Variants in TSPAN9 observed in about 807,000 individuals in gnomAD.
TSPAN9 encodes tetraspanin 9.
TSPAN9 carries 16 observed loss-of-function variants against 31.0 expected under a neutral mutation model. That is an observed-to-expected ratio of 0.52 (90% CI 0.35 to 0.78). The LOEUF is 0.78. Ranked by LOEUF, TSPAN9 falls within the 30% of genes least tolerant of loss-of-function variation. The probability of loss-of-function intolerance (pLI) is 0.01; values close to 1 mark genes in which losing one functional copy is unlikely to be tolerated. For missense variants in TSPAN9, 272 were observed against 312.5 expected, an observed-to-expected ratio of 0.87 and a Z score of 0.98; for synonymous variants, 145 against 121.6, an observed-to-expected ratio of 1.19 and a Z score of -1.27.
Position 3,284,517 on chromosome 12 carries a change from GTCAGACTGGC to G in TSPAN9, c.*1404_*1413del, listed in dbSNP as rs1862972979. 6.5e-6 allele frequency: 1 copy of G among 152,744 alleles called. No homozygotes were observed. Among genetic ancestry groups the G allele is most frequent in the Non-Finnish European group, 1.5e-5 (1 of 68,096 alleles). The allele number at this position is 152,744 out of a possible 1,614,324, so 9.5% of individuals were successfully genotyped here. A position where few individuals can be genotyped will look rare whatever the true frequency, so the allele number is the denominator to read the frequency against. ...AAGAAATACAGAAAACCCAAGAGAG[GTCAGACTGGC>G]TCTTGTTACCGGAGCCACGGGAAGA... On this transcript the variant is annotated 3_prime_UTR_variant, in exon 9 of 9. Coordinates refer to ENST00000011898, the MANE Select transcript of TSPAN9 (RefSeq NM_006675.5).
chr12:3,104,733 C>T (rs968246445), intron 2 of TSPAN9, among the ~76,000 whole-genome samples: 2 of 152,146 alleles, frequency 1.3e-5, no homozygotes. Context: ...TTTAATCCGC[C>T]CAGCAACTTT....
chr12:3,219,281 C>T (rs188578754), intron 3 of TSPAN9, among the ~76,000 whole-genome samples: 1 of 152,176 alleles, frequency 6.6e-6, no homozygotes, highest in Non-Finnish European at 1.5e-5. Flanking sequence ...TGCAACCTGC[C>T]CTGTGCGGTT....
chr12:3,094,403 C>T (rs936364129), intron 2 of TSPAN9, among the ~76,000 whole-genome samples: 1 of 152,172 alleles, frequency 6.6e-6, no homozygotes, highest in African/African-American at 2.4e-5. Flanking sequence ...CCCCATGCCT[C>T]TCCAAGAAAA....
rs1204144354 is a variant in TSPAN9, at chr12:3,286,429, G to A, written c.*3313G>A. On this transcript the variant is annotated 3_prime_UTR_variant, in exon 9 of 9. Transcript: ENST00000011898. This position sits in a 1 kb window ranked among gnomAD's most constrained non-coding sequence, Gnocchi z 4.1. Reference sequence around the variant, plus strand: ...ACGGGAGGGAGAGCAGGGTGAGCACGCTTGTTGGTTTCAGATGCACTTTCT... The same window carrying A: ...ACGGGAGGGAGAGCAGGGTGAGCACACTTGTTGGTTTCAGATGCACTTTCT... The A allele has an allele frequency of 2.0e-5, 3 of 152,618 alleles. No individual in the cohort carries two copies. In the East Asian group the frequency reaches 5.8e-4, roughly 29 times the overall value. 9.5% of individuals were successfully genotyped at this position (152,618 alleles called of 1,614,324 possible). A position where few individuals can be genotyped will look rare whatever the true frequency, so the allele number is the denominator to read the frequency against.
At chr12:3,153,227 A>C (rs2098340705) in intron 2 of TSPAN9, among the ~76,000 whole-genome samples, 1 of 152,178 alleles carries the variant, frequency 6.6e-6, no homozygotes, top group African/African-American at 2.4e-5. Flanking sequence ...GTGCTAGTTT[A>C]TTTCAGGGTC....
At chr12:3,256,959 C>A (rs1270875520) in intron 3 of TSPAN9, among the ~76,000 whole-genome samples, 1 of 152,074 alleles carries the variant, frequency 6.6e-6, no homozygotes, top group Non-Finnish European at 1.5e-5. Context: ...CCAGGGAGAA[C>A]CTGGTTTAGT....
intron 3 of TSPAN9, among the ~76,000 whole-genome samples, chr12:3,204,686 C>T (rs1239269555): frequency 1.3e-5 from 2 of 152,172 alleles, no homozygotes; most frequent in South Asian, 4.1e-4. Context: ...TCCTCTTTGT[C>T]TTCTGCATCC....
At chr12:3,164,411 A>G (rs1223023667) in intron 2 of TSPAN9, among the ~76,000 whole-genome samples, 1 of 152,242 alleles carries the variant, frequency 6.6e-6, no homozygotes, top group Non-Finnish European at 1.5e-5. Context: ...AATGAATAGC[A>G]GGCACTCAAC....
At chr12:3,182,385 T>C (rs1019943558) in intron 2 of TSPAN9, among the ~76,000 whole-genome samples, 1 of 152,052 alleles carries the variant, frequency 6.6e-6, no homozygotes, top group Non-Finnish European at 1.5e-5. Context: ...CAGCCTCCTC[T>C]GAGCTGATGG....
Position 3,143,212 on chromosome 12 carries a change from G to T in TSPAN9, c.-17-57965G>T, listed in dbSNP as rs546136834. Among the ~76,000 whole-genome samples, 23 of 149,360 alleles carry T rather than the reference G, an allele frequency of 1.5e-4. No homozygotes were observed. The highest frequency in any genetic ancestry group is 2.2e-4 in the Non-Finnish European group (15 of 67,758). On this transcript the variant is annotated intron_variant, in intron 2 of 8. Coordinates refer to ENST00000011898, the MANE Select transcript of TSPAN9 (RefSeq NM_006675.5). This position sits in a 1 kb window ranked among gnomAD's most constrained non-coding sequence, Gnocchi z 4.2. ...AGGTGATGTCTGCCAGGTATCTCCCGTATATAAAGTGGCCCCTTTTTCTTT... is the reference window on the plus strand; with the variant it reads ...AGGTGATGTCTGCCAGGTATCTCCCTTATATAAAGTGGCCCCTTTTTCTTT...
chr12:3,279,550 C>T (rs935344750), intron 5 of TSPAN9, among the ~76,000 whole-genome samples: 9 of 152,206 alleles, frequency 5.9e-5, no homozygotes, highest in Non-Finnish European at 1.3e-4. Context: ...TGAGGACGGG[C>T]GCTGCTCCTG....
intron 2 of TSPAN9, among the ~76,000 whole-genome samples, chr12:3,176,025 C>T (rs1419614374): frequency 6.6e-6 from 1 of 152,214 alleles, no homozygotes; most frequent in Non-Finnish European, 1.5e-5. Flanking sequence ...GTCTGAAGAG[C>T]CACGGGAATG....
intron 2 of TSPAN9, among the ~76,000 whole-genome samples, chr12:3,118,135 G>A (rs914646679): frequency 6.6e-6 from 1 of 151,888 alleles, no homozygotes; most frequent in Non-Finnish European, 1.5e-5. Context: ...CAAATGTGAA[G>A]TGAGTTGATA....
intron 3 of TSPAN9, among the ~76,000 whole-genome samples, chr12:3,253,264 A>G (rs1862286400): frequency 6.6e-6 from 1 of 152,266 alleles, no homozygotes. Flanking sequence ...AAATGCAGTA[A>G]AGATCATTAA....
intron 2 of TSPAN9, among the ~76,000 whole-genome samples, chr12:3,129,841 G>A (rs1482252438): frequency 1.3e-5 from 2 of 152,280 alleles, no homozygotes; most frequent in Admixed American, 6.5e-5. Flanking sequence ...CGTCCCTGGG[G>A]CCAGCTGTCC....
At chr12:3,150,628 G>A (rs979235839) in intron 2 of TSPAN9, among the ~76,000 whole-genome samples, 7 of 152,166 alleles carry the variant, frequency 4.6e-5, no homozygotes, top group Admixed American at 4.6e-4. Flanking sequence ...GTTGTATTTG[G>A]TGTCTTAAGT....
At chr12:3,282,952 C>G (rs11611152) in intron 8 of TSPAN9, 93 bp from the exon 9 acceptor site, 128,873 of 1,309,188 alleles carry the variant, frequency 0.098, 7,211 homozygotes, top group Middle Eastern at 0.12. Context: ...CCCGCTTGCT[C>G]TAGGTGCCCT....
intron 3 of TSPAN9, among the ~76,000 whole-genome samples, chr12:3,218,916 A>G (rs746001569): frequency 6.6e-6 from 1 of 152,034 alleles, no homozygotes; most frequent in Non-Finnish European, 1.5e-5. Context: ...GAGCCCCCCA[A>G]AGAGAGGTCA....
intron 2 of TSPAN9, among the ~76,000 whole-genome samples, chr12:3,095,937 G>A (rs544050660): frequency 2.0e-5 from 3 of 149,324 alleles, no homozygotes; most frequent in Non-Finnish European, 4.5e-5. Flanking sequence ...ACGGGGTGGC[G>A]GCCGGGCAGA....
Sources: allele counts gnomAD v4.1 joint callset (sites outside exome capture counted in the v4.1 genomes callset), GRCh38; gene constraint gnomAD v4.1.1; non-coding constraint Gnocchi (gnomAD v3.1); transcripts MANE v1.5; gene names NCBI Gene and HGNC (gene_info 2026-07-23, HGNC 2026-07-21).